Variants in ADGRL3 observed in about 807,000 individuals in gnomAD.
The protein encoded by ADGRL3 is adhesion G protein-coupled receptor L3, also known as calcium-independent alpha-latrotoxin receptor 3.
A neutral mutation model predicts 153.5 loss-of-function variants in ADGRL3; 62 were observed. That is an observed-to-expected ratio of 0.40 (90% CI 0.33 to 0.50). The LOEUF is 0.50. ADGRL3 is among the 20% of genes least tolerant of loss of function. ADGRL3 has a pLI of 0.47. For missense variants in ADGRL3, 1,641 were observed against 1,859.4 expected, an observed-to-expected ratio of 0.88 and a Z score of 2.16; for synonymous variants, 710 against 672.5, an observed-to-expected ratio of 1.06 and a Z score of -0.86.
chr4:61,524,060 C>T (rs1271460786), intron 4 of ADGRL3, among the ~76,000 whole-genome samples: 1 of 152,020 alleles, frequency 6.6e-6, no homozygotes, highest in African/African-American at 2.4e-5. Context: ...TCCAAAGGAG[C>T]AAATTTTATA....
chr4:61,756,031 T>C (rs1290576923), intron 8 of ADGRL3, among the ~76,000 whole-genome samples: 6 of 152,164 alleles, frequency 3.9e-5, no homozygotes, highest in Non-Finnish European at 8.8e-5. Context: ...AGCCTTGTAG[T>C]ATAGTTTGAA....
chr4:62,002,060 T>C (rs2099142332), intron 21 of ADGRL3, among the ~76,000 whole-genome samples: 1 of 151,998 alleles, frequency 6.6e-6, no homozygotes, highest in Non-Finnish European at 1.5e-5. Context: ...TAAGCCACTA[T>C]CATCTTCAGA....
At chr4:61,474,205 C>A (rs1316049375) in intron 2 of ADGRL3, among the ~76,000 whole-genome samples, 2 of 152,152 alleles carry the variant, frequency 1.3e-5, no homozygotes, top group Non-Finnish European at 2.9e-5. Context: ...CAAAATTCCT[C>A]TGAAATATTC....
chr4:61,674,150 ATAG>A (rs2095104917), intron 5 of ADGRL3, among the ~76,000 whole-genome samples: 920 of 9,452 alleles, frequency 0.097, 10 homozygotes, highest in African/African-American at 0.26. Context: ...GCATTTTTAG[ATAG>A]ATAGATAGAT....
chr4:61,691,502 G>A (rs1255717265), intron 6 of ADGRL3, among the ~76,000 whole-genome samples: 1 of 152,120 alleles, frequency 6.6e-6, no homozygotes, highest in Non-Finnish European at 1.5e-5. Context: ...CCAAGTGAAT[G>A]TGATGCTTTT....
chr4:61,279,607 A>G (rs1473972124), intron 1 of ADGRL3, among the ~76,000 whole-genome samples: 2 of 152,180 alleles, frequency 1.3e-5, no homozygotes, highest in Non-Finnish European at 2.9e-5. Flanking sequence ...TTCTATATGT[A>G]TAAAAGTGAT....
chr4:61,779,679 A>G (rs918315926), intron 8 of ADGRL3, among the ~76,000 whole-genome samples: 4 of 144,826 alleles, frequency 2.8e-5, no homozygotes, highest in Middle Eastern at 3.6e-3. Context: ...ATTATTGTGT[A>G]TTCCATAGCT....
At chr4:61,916,953 CA>C (rs993386297) in intron 13 of ADGRL3, among the ~76,000 whole-genome samples, 8 of 146,938 alleles carry the variant, frequency 5.4e-5, no homozygotes, top group Non-Finnish European at 9.0e-5. Context: ...ACTCCATCTC[CA>C]AAAAAAAATA....
At chr4:61,562,525 G>C (rs900327627) in intron 4 of ADGRL3, among the ~76,000 whole-genome samples, 1 of 152,060 alleles carries the variant, frequency 6.6e-6, no homozygotes, top group Admixed American at 6.6e-5. Context: ...TAAATCCTTC[G>C]TTGTCATTTC....
intron 1 of ADGRL3, among the ~76,000 whole-genome samples, chr4:61,338,105 A>AAT (rs2095719498): frequency 6.6e-6 from 1 of 151,820 alleles, no homozygotes; most frequent in African/African-American, 2.4e-5. Flanking sequence ...TCTCTACTAA[A>AAT]AATAATAATA....
intron 2 of ADGRL3, among the ~76,000 whole-genome samples, chr4:61,495,216 C>T (rs773887530): frequency 3.3e-5 from 5 of 151,950 alleles, no homozygotes; most frequent in Admixed American, 2.6e-4. Flanking sequence ...ACTACCATGC[C>T]GTAAATAACA....
At chr4:61,973,356 C>T (rs2099036356) in intron 17 of ADGRL3, among the ~76,000 whole-genome samples, 1 of 151,970 alleles carries the variant, frequency 6.6e-6, no homozygotes, top group Admixed American at 6.6e-5. Flanking sequence ...CCGTCCTTTC[C>T]TCCCATCACT....
intron 3 of ADGRL3, among the ~76,000 whole-genome samples, chr4:61,500,837 T>C (rs1472542331): frequency 6.6e-6 from 1 of 152,176 alleles, no homozygotes; most frequent in Non-Finnish European, 1.5e-5. Flanking sequence ...GTAAAGACAT[T>C]GAGGTACACA....
intron 1 of ADGRL3, among the ~76,000 whole-genome samples, chr4:61,217,763 G>A (rs1303388050): frequency 6.6e-6 from 1 of 152,124 alleles, no homozygotes; most frequent in Non-Finnish European, 1.5e-5. Flanking sequence ...ACTCCAGAAG[G>A]TTGGTTCCTA....
At chr4:61,791,023 A>G (rs1360967382) in intron 8 of ADGRL3, among the ~76,000 whole-genome samples, 1 of 152,162 alleles carries the variant, frequency 6.6e-6, no homozygotes, top group Non-Finnish European at 1.5e-5. Context: ...ACAATTCAAG[A>G]TGAGATTTGG....
At chr4:61,294,422 T>C (rs1357636876) in intron 1 of ADGRL3, among the ~76,000 whole-genome samples, 3 of 152,168 alleles carry the variant, frequency 2.0e-5, no homozygotes, top group African/African-American at 7.2e-5. Context: ...GGCTAAGCTA[T>C]GGTGTTCTGG....
At chr4:62,046,921 G>C (rs1172702297) in intron 25 of ADGRL3, among the ~76,000 whole-genome samples, 2 of 151,604 alleles carry the variant, frequency 1.3e-5, no homozygotes, top group African/African-American at 4.8e-5. Context: ...CTTTAATCTT[G>C]TCTTATTTCC....
intron 1 of ADGRL3, among the ~76,000 whole-genome samples, chr4:61,349,578 T>C (rs1488122036): frequency 1.3e-5 from 2 of 151,938 alleles, no homozygotes; most frequent in Admixed American, 6.6e-5. Flanking sequence ...AGACTCCTGG[T>C]TGCATTGTTA....
intron 4 of ADGRL3, among the ~76,000 whole-genome samples, chr4:61,561,214 A>G (rs1017358698): frequency 6.6e-6 from 1 of 152,188 alleles, no homozygotes; most frequent in Non-Finnish European, 1.5e-5. Context: ...AAGAGGAGGT[A>G]ATTCTGCTTA....
Sources: gnomAD v4.1 joint callset for allele counts (sites outside exome capture counted in the v4.1 genomes callset) on GRCh38, gnomAD v4.1.1 for gene constraint, MANE v1.5 for transcripts, NCBI Gene and HGNC (gene_info 2026-07-23, HGNC 2026-07-21) for gene names.